LYST: variants seen among roughly 807,000 people sequenced by gnomAD.
LYST encodes lysosomal trafficking regulator.
A neutral mutation model predicts 413.6 loss-of-function variants in LYST; 192 were observed. The ratio of observed to expected loss-of-function variants is 0.46; its 90% confidence interval spans 0.41 to 0.52. The LOEUF is 0.52. Among genes scored for constraint, LYST ranks in the 20% least tolerant of loss-of-function variants. The pLI is 0.00. For missense variants in LYST, 3,815 were observed against 4,499.9 expected (o/e 0.85, Z 4.35); for synonymous variants, 1,525 against 1,567.3 (o/e 0.97, Z 0.64).
rs777265574 is a variant in LYST at position 235,693,447 on chromosome 1, GCTGACCA to G, written c.10597_10603del (p.Trp3533ProfsTer3). On this transcript the variant is annotated frameshift_variant, in exon 47 of 53. Transcript: ENST00000389793. LOFTEE classifies it high-confidence loss of function. ...ATCAGCATATCCCCAGCTCAGGATG[GCTGACCA>G]CTGAATGTCCGTACTGTTCATGCTT... 1 of 1,613,304 alleles carries G rather than the reference GCTGACCA, an allele frequency of 6.2e-7. No homozygotes were observed. Among genetic ancestry groups the G allele is most frequent in the Admixed American group, 1.7e-5 (1 of 60,012 alleles).
intron 50 of LYST, among the ~76,000 whole-genome samples, chr1:235,668,232 C>T (rs57436154): frequency 0.08 from 12,198 of 151,880 alleles, 1,585 homozygotes; most frequent in African/African-American, 0.27. Context: ...ATTTTAAGAT[C>T]ACTTGGATGA....
At chr1:235,829,487 T>C (rs1205948858) in intron 3 of LYST, 2 of 152,186 alleles carry the variant, frequency 1.3e-5, no homozygotes, top group East Asian at 3.8e-4. Context: ...ACTAACTATA[T>C]TAATTAGTTC....
chr1:235,812,769 G>A (rs1453314143), intron 4 of LYST, among the ~76,000 whole-genome samples: 1 of 152,016 alleles, frequency 6.6e-6, no homozygotes, highest in Admixed American at 6.5e-5. Context: ...GTACATTCAA[G>A]TACTTCCCCC....
At chr1:235,824,420 A>T (rs1346255701) in intron 3 of LYST, among the ~76,000 whole-genome samples, 2 of 152,194 alleles carry the variant, frequency 1.3e-5, no homozygotes, top group African/African-American at 4.8e-5. Context: ...CACAGAGACA[A>T]TTTTTATACT....
chr1:235,859,665 C>G (rs1679639267), intron 1 of LYST, among the ~76,000 whole-genome samples: 1 of 152,130 alleles, frequency 6.6e-6, no homozygotes, highest in Non-Finnish European at 1.5e-5. Flanking sequence ...TCCCCATTCA[C>G]CCTCAGACAA....
chr1:235,689,026 T>TAATAATAAC lies in LYST; in HGVS notation c.10702-1980_10702-1979insGTTATTATT, dbSNP rs1202677227. Among the ~76,000 whole-genome samples, 573 of 92,906 alleles carry TAATAATAAC rather than the reference T, an allele frequency of 6.2e-3. 5 individuals carry two copies. Among genetic ancestry groups the TAATAATAAC allele is most frequent in the Non-Finnish European group, 0.011 (434 of 38,236 alleles). The allele number at this position is 92,906 out of a possible 152,430, so 60.9% of individuals were successfully genotyped here. ...ATAATAATAATAATAATAATAATAATAACAACAACAACAACAACAACAATA... is the reference window on the plus strand; with the variant it reads ...ATAATAATAATAATAATAATAATAATAATAATAACAACAACAACAACAACAACAACAATA... On this transcript the variant is annotated intron_variant, in intron 47 of 52. Transcript: ENST00000389793.
chr1:235,669,052 G>A (rs115414972), intron 50 of LYST, among the ~76,000 whole-genome samples: 3,014 of 152,246 alleles, frequency 0.02, 103 homozygotes, highest in African/African-American at 0.069. Flanking sequence ...AACCCTAACA[G>A]GTATCTGTGG....
At chr1:235,845,604 C>T (rs1371219169) in intron 1 of LYST, among the ~76,000 whole-genome samples, 3 of 151,526 alleles carry the variant, frequency 2.0e-5, no homozygotes, top group Non-Finnish European at 2.9e-5. Flanking sequence ...TTTTCAAGCC[C>T]ATCTAGCCCT....
At chr1:235,837,070 A>G (rs1314787967) in intron 1 of LYST, among the ~76,000 whole-genome samples, 1 of 152,228 alleles carries the variant, frequency 6.6e-6, no homozygotes, top group Non-Finnish European at 1.5e-5. Flanking sequence ...CACACAATAT[A>G]GCAGACAAAA....
At chr1:235,757,802 G>C (rs532983375) in intron 23 of LYST, among the ~76,000 whole-genome samples, 21 of 151,814 alleles carry the variant, frequency 1.4e-4, no homozygotes, top group Non-Finnish European at 2.9e-4. Flanking sequence ...AGTGCTGACT[G>C]TATTAGACAG....
intron 48 of LYST, among the ~76,000 whole-genome samples, chr1:235,685,199 G>C (rs983437752): frequency 8.5e-5 from 13 of 152,140 alleles, no homozygotes; most frequent in Admixed American, 4.6e-4. Flanking sequence ...CAGGCTCCCT[G>C]ATGTCTGGAT....
intron 48 of LYST, among the ~76,000 whole-genome samples, chr1:235,680,850 C>T (rs1262163053): frequency 6.6e-6 from 1 of 151,914 alleles, no homozygotes; most frequent in African/African-American, 2.4e-5. Flanking sequence ...CCGCCTGCCT[C>T]AGCCTCCCAA....
At chr1:235,875,295 A>T (rs1378028421) in intron 1 of LYST, among the ~76,000 whole-genome samples, 2 of 152,092 alleles carry the variant, frequency 1.3e-5, no homozygotes, top group Non-Finnish European at 2.9e-5. Context: ...ACTATTCCCT[A>T]TTTCCTCCTT....
intron 31 of LYST, chr1:235,738,587 T>C: frequency 6.2e-7 from 1 of 1,609,942 alleles, no homozygotes. Flanking sequence ...ATGGAGATTC[T>C]AGTGTGCCTG....
Position 235,777,119 on chromosome 1 carries a change from G to T in LYST, c.5404C>A (p.Gln1802Lys). The change falls in exon 17 of 53, where the codon CAA becomes AAA. Residue 1802 changes from glutamine to lysine, a missense_variant. This residue lies in a region of LYST where 530 missense variants were observed against 696.5 expected (regional missense o/e 0.76). Transcript: ENST00000389793. ...CCACCAATTTCGTGCAGAATGCCTT[G>T]AATAGTTTTATATTCAGTAGGTTGG... ...NLQPTEYKTIQGILHEIGGTG... is the reference protein window; with the variant it reads ...NLQPTEYKTIKGILHEIGGTG... The T allele has an allele frequency of 6.2e-7, 1 of 1,613,110 alleles. No homozygotes were observed. The highest frequency in any genetic ancestry group is 8.5e-7 in the Non-Finnish European group (1 of 1,179,272).
chr1:235,824,911 T>G (rs1221246878), intron 3 of LYST, among the ~76,000 whole-genome samples: 1 of 151,932 alleles, frequency 6.6e-6, no homozygotes, highest in African/African-American at 2.4e-5. Flanking sequence ...TCCCAGCTAC[T>G]TGGGAGGCTG....
chr1:235,774,819 TA>T (rs762595932), intron 18 of LYST, 93 bp downstream of exon 18: 13 of 815,208 alleles, frequency 1.6e-5, no homozygotes, highest in Non-Finnish European at 2.6e-5. Context: ...TCTTCAGGAA[TA>T]ACTGAAATAC....
chr1:235,841,394 C>T (rs1464792455), intron 1 of LYST, among the ~76,000 whole-genome samples: 5 of 151,952 alleles, frequency 3.3e-5, no homozygotes, highest in Non-Finnish European at 7.4e-5. Flanking sequence ...AGAGGTGGTG[C>T]GGCGTGGCCA....
intron 50 of LYST, among the ~76,000 whole-genome samples, chr1:235,672,935 A>G (rs1229677706): frequency 6.6e-6 from 1 of 152,126 alleles, no homozygotes; most frequent in Non-Finnish European, 1.5e-5. Context: ...TCAAGACTCA[A>G]AGCCTCCTAG....
Sources: allele counts gnomAD v4.1 joint callset (sites outside exome capture counted in the v4.1 genomes callset), GRCh38; gene constraint gnomAD v4.1.1; regional missense constraint gnomAD v4.1.1; transcripts MANE v1.5; gene names NCBI Gene and HGNC (gene_info 2026-07-23, HGNC 2026-07-21).